SYNE2: variants seen among roughly 807,000 people sequenced by gnomAD.
SYNE2 encodes nesprin-2.
SYNE2 carries 431 observed loss-of-function variants against 856.3 expected under a neutral mutation model. That is an observed-to-expected ratio of 0.50 (90% CI 0.47 to 0.55). The LOEUF (loss-of-function observed/expected upper bound fraction) is 0.55, where lower values mean the gene tolerates loss of function less well. Ranked by LOEUF, SYNE2 falls within the 20% of genes least tolerant of loss-of-function variation. SYNE2 has a pLI of 0.00. For synonymous variants in SYNE2, 2,923 were observed against 2,872.3 expected, an observed-to-expected ratio of 1.02 and a Z score of -0.56; for missense variants, 8,129 against 8,023.2, an observed-to-expected ratio of 1.01 and a Z score of -0.50.
At chr14:64,082,877 G>A (rs1402679993) in intron 57 of SYNE2, among the ~76,000 whole-genome samples, 2 of 152,126 alleles carry the variant, frequency 1.3e-5, no homozygotes, top group East Asian at 3.8e-4. Flanking sequence ...TGTCCATGCT[G>A]GCTTACAAAG....
At chr14:64,080,777 T>A in intron 56 of SYNE2, 139 bp downstream of exon 56, 1 of 1,046,148 alleles carries the variant, frequency 9.6e-7, no homozygotes, top group Non-Finnish European at 1.4e-6. Context: ...GGTAGGCTTG[T>A]GTGGGTGCTG....
chr14:64,051,499 AT>A, intron 47 of SYNE2, 57 bp from the exon 48 acceptor site: 2 of 1,466,466 alleles, frequency 1.4e-6, no homozygotes, highest in Non-Finnish European at 9.3e-7. Context: ...ATTTATCCAC[AT>A]TTTAATGTAG....
chr14:63,914,943 A>AT (rs1187735186), intron 2 of SYNE2, among the ~76,000 whole-genome samples: 3 of 151,974 alleles, frequency 2.0e-5, no homozygotes, highest in South Asian at 4.2e-4. Context: ...ACGCCAAGCT[A>AT]TTTTTTACAT....
chr14:64,020,222 G>T, intron 35 of SYNE2, 129 bp downstream of exon 35: 2 of 690,396 alleles, frequency 2.9e-6, no homozygotes, highest in Non-Finnish European at 5.1e-6. Context: ...CCCAATTAAA[G>T]ATTCTCTATA....
chr14:64,130,135 T>G lies in SYNE2; in HGVS notation c.14227T>G (p.Leu4743Val). The stretch of plus-strand genomic sequence containing the variant: ...CGTCACTGAGAGCCAGCAAGATGCT[T>G]TGTTGCAAGGCATGGTGGAACTGGT... ...PFVTESQQDA[L>V]LQGMVELVKI... is the part of the protein sequence containing the mutation. The change falls in exon 76 of 116, where the codon TTG becomes GTG. Residue 4743 changes from leucine to valine, a missense_variant. Transcript: ENST00000555002. The G allele has an allele frequency of 6.2e-7, 1 of 1,614,138 alleles. No homozygotes were observed. Among genetic ancestry groups the G allele is most frequent in the Non-Finnish European group, 8.5e-7 (1 of 1,180,016 alleles).
intron 70 of SYNE2, among the ~76,000 whole-genome samples, chr14:64,123,157 A>G (rs1320054340): frequency 1.3e-5 from 2 of 151,920 alleles, no homozygotes; most frequent in African/African-American, 4.8e-5. Flanking sequence ...TCATTCATTC[A>G]TCAGAAAATT....
At chr14:64,058,283 G>T (rs570793769) in intron 49 of SYNE2, among the ~76,000 whole-genome samples, 39 of 152,156 alleles carry the variant, frequency 2.6e-4, no homozygotes, top group Non-Finnish European at 4.1e-4. Context: ...ATTTTGATTT[G>T]AGTTTTGTAT....
intron 6 of SYNE2, among the ~76,000 whole-genome samples, chr14:63,945,910 A>G (rs2096018826): frequency 6.6e-6 from 1 of 152,174 alleles, no homozygotes; most frequent in South Asian, 2.1e-4. Context: ...ACCTTGTATA[A>G]ATCCTGATTT....
At chr14:64,184,821 A>C (rs1292781463) in intron 96 of SYNE2, among the ~76,000 whole-genome samples, 1 of 152,272 alleles carries the variant, frequency 6.6e-6, no homozygotes, top group Non-Finnish European at 1.5e-5. Flanking sequence ...TGCAACCTTT[A>C]AAAAGAATTC....
chr14:64,145,058 C>T (rs1457705838), intron 83 of SYNE2, among the ~76,000 whole-genome samples: 2 of 151,440 alleles, frequency 1.3e-5, no homozygotes, highest in Admixed American at 1.3e-4. Context: ...TCCCAAATAG[C>T]TGATATTACA....
At chr14:64,147,003 G>C (rs2098193305) in intron 84 of SYNE2, among the ~76,000 whole-genome samples, 1 of 152,182 alleles carries the variant, frequency 6.6e-6, no homozygotes. Context: ...CTCGTATACT[G>C]TTCCCACCTC....
intron 1 of SYNE2, among the ~76,000 whole-genome samples, chr14:63,905,730 A>G (rs954731088): frequency 6.6e-6 from 1 of 152,210 alleles, no homozygotes; most frequent in Non-Finnish European, 1.5e-5. Flanking sequence ...GTATAGAATC[A>G]TATCATCAGC....
At position 63,982,753 on chromosome 14, in the gene SYNE2, C is replaced by T. The variant is rs1943497683; in HGVS notation, c.1960C>T (p.Leu654=). The T allele has an allele frequency of 1.9e-6, 3 of 1,613,944 alleles. No homozygotes were observed. Residue 654 remains leucine, a synonymous_variant, in exon 17 of 116, where the codon CTG becomes TTG. Transcript: ENST00000555002. ...ATCTATTTCTAAAGAACTGAGAAGGCTGAATAAAAGATGGAGAAAGTTGGT... is the reference window on the plus strand; with the variant it reads ...ATCTATTTCTAAAGAACTGAGAAGGTTGAATAAAAGATGGAGAAAGTTGGT... The part of the protein sequence containing the change: ...GSSISKELRR[L]NKRWRKLVSK...
At chr14:64,024,052 C>T (rs958564775) in intron 38 of SYNE2, 37 of 525,870 alleles carry the variant, frequency 7.0e-5, no homozygotes, top group South Asian at 5.1e-4. Context: ...CTCTGTGTTA[C>T]TTTGCTTGAT....
Position 64,106,065 on chromosome 14 carries a change from A to G in SYNE2, c.12493-1426A>G, listed in dbSNP as rs556107797. ...GCCCTGTCTCAAAAAAAAAAAAAAG[A>G]AAGAAAGAAAAAGAAAGGCTATACC... On this transcript the variant is annotated intron_variant, in intron 64 of 115. Coordinates refer to ENST00000555002, the MANE Select transcript of SYNE2 (RefSeq NM_182914.3). 2.0e-5 allele frequency among the ~76,000 whole-genome samples: 3 copies of G among 150,396 alleles called. No homozygotes were observed. The East Asian group carries it at 5.8e-4, about 29-fold the overall frequency.
intron 10 of SYNE2, among the ~76,000 whole-genome samples, chr14:63,966,621 C>G (rs2096396710): frequency 6.6e-6 from 1 of 151,206 alleles, no homozygotes; most frequent in Admixed American, 6.6e-5. Context: ...TGCAGTGGCC[C>G]GATCACAGTT....
At position 64,119,557 on chromosome 14, in the gene SYNE2, G is replaced by A; in HGVS notation, c.12971G>A (p.Cys4324Tyr). Reference protein sequence around the residue: ...ALSLKLKTVKCNLEKVQMMLQ... With the variant: ...ALSLKLKTVKYNLEKVQMMLQ... ...TCCCTGAAACTGAAAACAGTGAAGT[G>A]CAATTTAGAAAAAGTCCAGATGATG... is the stretch of plus-strand genomic sequence containing the variant. The change falls in exon 67 of 116, where the codon TGC (cysteine) becomes TAC (tyrosine). Residue 4324 changes from cysteine (C) to tyrosine (Y), a missense_variant. Around this residue, in one of 3 missense-constraint regions of SYNE2, gnomAD observed 5,410 missense variants for 5,284.8 expected, o/e 1.02. Coordinates refer to ENST00000555002, the MANE Select transcript of SYNE2 (RefSeq NM_182914.3). The A allele has an allele frequency of 6.2e-7, 1 of 1,614,192 alleles. No homozygotes were observed. The highest frequency in any genetic ancestry group is 8.5e-7 in the Non-Finnish European group (1 of 1,180,036).
At chr14:63,766,734 T>C (rs888057811) in intron 1 of SYNE2, among the ~76,000 whole-genome samples, 1 of 152,198 alleles carries the variant, frequency 6.6e-6, no homozygotes, top group African/African-American at 2.4e-5. Context: ...AAGAAAACCT[T>C]GTATTTCACC....
intron 100 of SYNE2, among the ~76,000 whole-genome samples, chr14:64,205,562 C>T (rs775672583): frequency 1.4e-4 from 22 of 152,194 alleles, no homozygotes; most frequent in Non-Finnish European, 2.9e-4. Flanking sequence ...CCCTCAGCCC[C>T]CAAAAGTAGC....
Sources: allele counts gnomAD v4.1 joint callset (sites outside exome capture counted in the v4.1 genomes callset), GRCh38; gene constraint gnomAD v4.1.1; regional missense constraint gnomAD v4.1.1; transcripts MANE v1.5; gene names NCBI Gene and HGNC (gene_info 2026-07-23, HGNC 2026-07-21).